Variants in ARHGAP44 observed in about 807,000 individuals in gnomAD.
ARHGAP44 encodes the protein Rho GTPase activating protein 44.
Under a neutral mutation model 106.8 loss-of-function variants are expected in ARHGAP44, and 43 were observed. That is an observed-to-expected ratio of 0.40 (90% confidence interval 0.32 to 0.52). The LOEUF is 0.52. ARHGAP44 is among the 20% of genes least tolerant of loss of function. ARHGAP44 has a pLI of 0.48. For missense variants in ARHGAP44, 866 were observed against 1,050.5 expected (o/e 0.82, Z 2.43); for synonymous variants, 439 against 410.3 (o/e 1.07, Z -0.85).
At chr17:12,808,310 C>T (rs947062584) in intron 1 of ARHGAP44, among the ~76,000 whole-genome samples, 15 of 152,252 alleles carry the variant, frequency 9.9e-5, no homozygotes, top group African/African-American at 3.6e-4. Context: ...TAGACAGTGC[C>T]CCAGTGGGCA....
chr17:12,910,327 T>C lies in ARHGAP44; in HGVS notation c.275+1354T>C, dbSNP rs192093032. ...CTTTGGTTGGGCCCTGAAAGTTAGA[T>C]TGACAAAAGGTAGATTAACAGGAGA... is the stretch of plus-strand genomic sequence containing the variant. On this transcript the variant is annotated intron_variant, in intron 4 of 20. Transcript: ENST00000379672. Among the ~76,000 whole-genome samples the C allele has an allele frequency of 9.4e-4, 142 of 151,064 alleles. 1 individual carries two copies. Among genetic ancestry groups the C allele is most frequent in the Non-Finnish European group, 9.7e-4 (66 of 67,832 alleles).
At chr17:12,989,964 G>A in intron 20 of ARHGAP44, 68 bp from the exon 21 acceptor site, 5 of 1,573,578 alleles carry the variant, frequency 3.2e-6, no homozygotes, top group Non-Finnish European at 2.6e-6. Context: ...GACATTATTT[G>A]CCTACAACTA....
At chr17:12,894,514 T>C (rs968377263) in intron 1 of ARHGAP44, among the ~76,000 whole-genome samples, 1 of 152,332 alleles carries the variant, frequency 6.6e-6, no homozygotes, top group East Asian at 1.9e-4. Flanking sequence ...ACCGTGGTGG[T>C]GGCATTTGCA....
chr17:12,941,028 C>G, intron 7 of ARHGAP44, 28 bp from the exon 8 acceptor site: 1 of 1,609,728 alleles, frequency 6.2e-7, no homozygotes, highest in Non-Finnish European at 8.5e-7. Context: ...TTATGTTTTA[C>G]CTTGGTTGTA....
intron 3 of ARHGAP44, among the ~76,000 whole-genome samples, chr17:12,898,819 A>G (rs2037290517): frequency 6.6e-6 from 1 of 152,196 alleles, no homozygotes; most frequent in Non-Finnish European, 1.5e-5. Flanking sequence ...TTCTCTTACT[A>G]GAGAAGACAC....
chr17:12,841,592 TCTCACACA>T lies in ARHGAP44; in HGVS notation c.53+51703_53+51710del, dbSNP rs1429866332. 1.8e-3 allele frequency among the ~76,000 whole-genome samples: 211 copies of T among 118,920 alleles called. 1 individual carries two copies. The highest frequency in any genetic ancestry group is 2.6e-3 in the Non-Finnish European group (154 of 59,436). The allele number at this position is 118,920 out of a possible 152,430, so 78.0% of individuals were successfully genotyped here. A position where few individuals can be genotyped will look rare whatever the true frequency, so the allele number is the denominator to read the frequency against. On this transcript the variant is annotated intron_variant, in intron 1 of 20. Transcript: ENST00000379672. ...GTGAGACCCTGTCTCTCTGTCTCTC[TCTCACACA>T]CACACACACACACACACACACACAC...
intron 1 of ARHGAP44, among the ~76,000 whole-genome samples, chr17:12,817,567 T>G (rs1419026345): frequency 6.6e-6 from 1 of 151,570 alleles, no homozygotes; most frequent in Non-Finnish European, 1.5e-5. Flanking sequence ...AGAAAAAAAT[T>G]AGAATAAATG....
intron 1 of ARHGAP44, among the ~76,000 whole-genome samples, chr17:12,835,975 A>G (rs973256637): frequency 6.6e-6 from 1 of 152,134 alleles, no homozygotes; most frequent in African/African-American, 2.4e-5. Context: ...ATGTGGCAGG[A>G]TTTCCTTCTT....
chr17:12,960,326 G>A (rs745993592), intron 16 of ARHGAP44, among the ~76,000 whole-genome samples: 3 of 152,126 alleles, frequency 2.0e-5, no homozygotes, highest in Non-Finnish European at 2.9e-5. Flanking sequence ...TCCCAACACT[G>A]GGAGGCTGAG....
chr17:12,820,947 C>G (rs2034753189), intron 1 of ARHGAP44, among the ~76,000 whole-genome samples: 1 of 152,084 alleles, frequency 6.6e-6, no homozygotes, highest in Non-Finnish European at 1.5e-5. Context: ...TGTCTCCTGG[C>G]TTTTTGGAAG....
chr17:12,963,993 C>T (rs532797369), intron 16 of ARHGAP44, among the ~76,000 whole-genome samples: 1 of 152,174 alleles, frequency 6.6e-6, no homozygotes, highest in Admixed American at 6.5e-5. Context: ...TCAAAACTTT[C>T]CTACTTTAGC....
rs370382071 is a variant in ARHGAP44 at position 12,943,585 on chromosome 17, C to T, written c.652-3C>T. 56 of 1,613,610 alleles carry T rather than the reference C, an allele frequency of 3.5e-5. No homozygotes were observed. Among genetic ancestry groups the T allele is most frequent in the Non-Finnish European group, 3.5e-5 (41 of 1,179,752 alleles). On this transcript the variant is annotated splice_region_variant and splice_polypyrimidine_tract_variant and intron_variant, in intron 8 of 20. Coordinates refer to ENST00000379672, the MANE Select transcript of ARHGAP44 (RefSeq NM_014859.6). The stretch of plus-strand genomic sequence containing the variant: ...GGGTGATGCTTGCCTTGTGTCTTCT[C>T]AGCTAATAGAAGTGCAAGCTGAATA...
intron 7 of ARHGAP44, among the ~76,000 whole-genome samples, chr17:12,929,929 C>T (rs901976706): frequency 2.0e-5 from 3 of 152,326 alleles, no homozygotes; most frequent in Non-Finnish European, 4.4e-5. Flanking sequence ...CTTACAGCCA[C>T]CCTGTGCAAG....
intron 1 of ARHGAP44, among the ~76,000 whole-genome samples, chr17:12,818,064 G>C (rs62060417): frequency 0.11 from 16,319 of 151,696 alleles, 1,700 homozygotes; most frequent in African/African-American, 0.28. Flanking sequence ...AATTATAGAC[G>C]AACAGTCCTC....
At chr17:12,945,273 G>C (rs2143026064) in intron 10 of ARHGAP44, among the ~76,000 whole-genome samples, 1 of 152,116 alleles carries the variant, frequency 6.6e-6, no homozygotes, top group East Asian at 1.9e-4. Context: ...GCCTCCCAAA[G>C]TGCTGGGATT....
At chr17:12,789,922 C>T in intron 1 of ARHGAP44, 31 bp downstream of exon 1, 1 of 1,488,678 alleles carries the variant, frequency 6.7e-7, no homozygotes, top group Non-Finnish European at 8.9e-7. Context: ...GCTGTCGGTG[C>T]GCGCCCGCGA....
chr17:12,808,091 G>A (rs571837682), intron 1 of ARHGAP44, among the ~76,000 whole-genome samples: 27 of 152,364 alleles, frequency 1.8e-4, no homozygotes, highest in Admixed American at 6.5e-4. Context: ...TTGACTCCAT[G>A]TCTCACATTC....
chr17:12,888,453 G>A (rs931765515), intron 1 of ARHGAP44, among the ~76,000 whole-genome samples: 18 of 152,052 alleles, frequency 1.2e-4, no homozygotes, highest in Non-Finnish European at 2.4e-4. Context: ...GGAACAAACT[G>A]CATATGACTT....
chr17:12,984,941 T>A (rs770923834), intron 20 of ARHGAP44, 33 bp downstream of exon 20: 33 of 1,569,848 alleles, frequency 2.1e-5, no homozygotes, highest in South Asian at 7.0e-5. Context: ...CACTTTTTTT[T>A]ATGAACTTTA....
Sources: gnomAD v4.1 joint callset for allele counts (sites outside exome capture counted in the v4.1 genomes callset) on GRCh38, gnomAD v4.1.1 for gene constraint, MANE v1.5 for transcripts, NCBI Gene and HGNC (gene_info 2026-07-23, HGNC 2026-07-21) for gene names.